PKIB: variants seen among roughly 807,000 people sequenced by gnomAD.
PKIB encodes the protein cAMP-dependent protein kinase inhibitor beta.
A neutral mutation model predicts 4.5 loss-of-function variants in PKIB; 2 were observed. The ratio of observed to expected loss-of-function variants is 0.44; its 90% CI spans 0.18 to 1.39. PKIB has a LOEUF of 1.39. PKIB is among the 40% of genes most tolerant of loss of function. The pLI, the probability that PKIB is intolerant of heterozygous loss-of-function variation, is 0.27. For synonymous variants in PKIB, 38 were observed against 36.0 expected (o/e 1.06, Z -0.20); for missense variants, 94 against 92.6 (o/e 1.02, Z -0.06).
chr6:122,591,337 A>C (rs1774016487), intron 3 of PKIB, among the ~76,000 whole-genome samples: 1 of 152,118 alleles, frequency 6.6e-6, no homozygotes, highest in Non-Finnish European at 1.5e-5. Flanking sequence ...TTGCATTGAC[A>C]TACTGATTTC....
chr6:122,504,845 T>C (rs1015975212), intron 2 of PKIB, among the ~76,000 whole-genome samples: 3 of 152,208 alleles, frequency 2.0e-5, no homozygotes, highest in Admixed American at 2.0e-4. Context: ...GGTCATGTCC[T>C]GTTGTGGGCC....
chr6:122,552,533 T>C (rs1772707870), intron 2 of PKIB, among the ~76,000 whole-genome samples: 1 of 152,018 alleles, frequency 6.6e-6, no homozygotes, highest in Admixed American at 6.6e-5. Context: ...TGTGCCACCA[T>C]GCCCAGCTAC....
intron 3 of PKIB, among the ~76,000 whole-genome samples, chr6:122,707,070 A>G (rs1779088926): frequency 6.6e-6 from 1 of 152,132 alleles, no homozygotes; most frequent in African/African-American, 2.4e-5. Context: ...TAAAAGTTAA[A>G]TGTATCAATT....
chr6:122,635,288 G>A (rs1233574777), intron 2 of PKIB, among the ~76,000 whole-genome samples: 1 of 152,160 alleles, frequency 6.6e-6, no homozygotes, highest in African/African-American at 2.4e-5. Context: ...CATTTAGCAA[G>A]TGGGTGGTGA....
intron 2 of PKIB, among the ~76,000 whole-genome samples, chr6:122,532,305 T>G (rs1384356235): frequency 6.6e-6 from 1 of 152,216 alleles, no homozygotes; most frequent in Non-Finnish European, 1.5e-5. Context: ...CACTCTTTTG[T>G]TTATTTAATA....
intron 3 of PKIB, among the ~76,000 whole-genome samples, chr6:122,596,367 G>A (rs916744806): frequency 1.3e-5 from 2 of 152,212 alleles, no homozygotes; most frequent in African/African-American, 2.4e-5. Context: ...AGGGTGACAG[G>A]AGTGGAGACC....
At chr6:122,636,717 T>C (rs774619086) in intron 2 of PKIB, among the ~76,000 whole-genome samples, 9 of 152,126 alleles carry the variant, frequency 5.9e-5, no homozygotes, top group Non-Finnish European at 1.3e-4. Flanking sequence ...AAATGATTAT[T>C]AAAATTCATT....
At chr6:122,685,752 C>T (rs930702487) in intron 3 of PKIB, among the ~76,000 whole-genome samples, 1 of 152,082 alleles carries the variant, frequency 6.6e-6, no homozygotes, top group African/African-American at 2.4e-5. Context: ...CTTATTCTTT[C>T]TATATTTTTT....
intron 2 of PKIB, among the ~76,000 whole-genome samples, chr6:122,659,947 T>A (rs1776921532): frequency 1.3e-5 from 2 of 152,160 alleles, no homozygotes; most frequent in Non-Finnish European, 2.9e-5. Context: ...AAGAGCTGCA[T>A]TAAATAAAAA....
intron 3 of PKIB, among the ~76,000 whole-genome samples, chr6:122,697,544 T>C (rs1304314594): frequency 6.6e-6 from 1 of 151,794 alleles, no homozygotes; most frequent in Non-Finnish European, 1.5e-5. Context: ...TAAAAGCAAT[T>C]GAGAGACCTG....
intron 3 of PKIB, among the ~76,000 whole-genome samples, chr6:122,605,077 TAGTA>T (rs1774483846): frequency 6.6e-6 from 1 of 152,178 alleles, no homozygotes; most frequent in African/African-American, 2.4e-5. Context: ...GGTCACTAAC[TAGTA>T]GCACAGTCTG....
chr6:122,650,305 A>G (rs1181766497), intron 2 of PKIB, among the ~76,000 whole-genome samples: 1 of 152,126 alleles, frequency 6.6e-6, no homozygotes, highest in African/African-American at 2.4e-5. Flanking sequence ...CAAGCCCTTA[A>G]TGGTGGCATT....
chr6:122,715,684 C>A (rs976830145), intron 3 of PKIB, among the ~76,000 whole-genome samples: 15 of 148,392 alleles, frequency 1.0e-4, no homozygotes, highest in Admixed American at 7.4e-4. Context: ...TATATATGAA[C>A]TTTAACAAAC....
chr6:122,665,479 A>C, intron 2 of PKIB, among the ~76,000 whole-genome samples: 1 of 152,196 alleles, frequency 6.6e-6, no homozygotes, highest in East Asian at 1.9e-4. Flanking sequence ...TCTGAATAAG[A>C]TCCTTCTAAT....
At chr6:122,622,168 A>G (rs979807099) in intron 1 of PKIB, among the ~76,000 whole-genome samples, 6 of 152,248 alleles carry the variant, frequency 3.9e-5, no homozygotes, top group Admixed American at 1.3e-4. Context: ...TAAGTTTGCC[A>G]TAAGAATCAT....
chr6:122,537,013 AT>A (rs1777426373), intron 2 of PKIB, among the ~76,000 whole-genome samples: 1 of 151,726 alleles, frequency 6.6e-6, no homozygotes, highest in Non-Finnish European at 1.5e-5. Context: ...GCCATATAAG[AT>A]CTCCATCTGT....
chr6:122,636,633 T>G (rs1031856353), intron 2 of PKIB, among the ~76,000 whole-genome samples: 5 of 152,094 alleles, frequency 3.3e-5, no homozygotes, highest in African/African-American at 1.2e-4. Flanking sequence ...ACACGTTAGC[T>G]TCCTCAAATT....
At chr6:122,629,803 A>G (rs1291563412) in intron 1 of PKIB, among the ~76,000 whole-genome samples, 3 of 152,222 alleles carry the variant, frequency 2.0e-5, no homozygotes, top group South Asian at 2.1e-4. Context: ...ATTCTACAAA[A>G]TATCTGTCAA....
intron 2 of PKIB, among the ~76,000 whole-genome samples, chr6:122,549,783 G>A (rs1403305623): frequency 6.7e-6 from 1 of 148,206 alleles, no homozygotes; most frequent in African/African-American, 2.5e-5. Context: ...TTCTTTAGAG[G>A]TTTCTTCCTT....
Sources: gnomAD v4.1 joint callset for allele counts (sites outside exome capture counted in the v4.1 genomes callset) on GRCh38, gnomAD v4.1.1 for gene constraint, MANE v1.5 for transcripts, NCBI Gene and HGNC (gene_info 2026-07-23, HGNC 2026-07-21) for gene names.